Variants in ZNF586 observed in about 807,000 individuals in gnomAD.
ZNF586 encodes the protein zinc finger protein 586.
A neutral mutation model predicts 6.7 loss-of-function variants in ZNF586; 7 were observed. The ratio of observed to expected loss-of-function variants is 1.04; its 90% CI spans 0.59 to 1.95. The LOEUF (loss-of-function observed/expected upper bound fraction) is 1.95, where lower values mean the gene tolerates loss of function less well. Ranked by LOEUF, ZNF586 falls within the 30% of genes most tolerant of loss-of-function variation. The pLI is 0.00. For synonymous variants in ZNF586, 166 were observed against 168.7 expected (o/e 0.98, Z 0.12); for missense variants, 442 against 489.6 (o/e 0.90, Z 0.92).
At chr19:57,776,745 C>A in intron 2 of ZNF586, 76 bp downstream of exon 2, 1 of 1,464,846 alleles carries the variant, frequency 6.8e-7, no homozygotes, top group Non-Finnish European at 9.1e-7. Context: ...TTTCTCACAC[C>A]AGGACCATGG....
In ZNF586 at chr19:57,779,664, C is replaced by G. The variant is rs1167325581; in HGVS notation, c.1077C>G (p.Ser359Arg). Residue 359 changes from serine to arginine, a missense_variant, in exon 3 of 3, where the codon AGC becomes AGG. Transcript: ENST00000396154. ...DCGKSFAENSSLIKHLRVHTG... is the reference protein window; with the variant it reads ...DCGKSFAENSRLIKHLRVHTG... The stretch of plus-strand genomic sequence containing the variant: ...GGAAATCCTTTGCTGAAAACTCCAG[C>G]CTTATTAAACACTTGAGAGTTCACA... 6.2e-7 allele frequency: 1 copy of G among 1,609,272 alleles called. No homozygotes were observed. Among genetic ancestry groups the G allele is most frequent in the Non-Finnish European group, 8.5e-7 (1 of 1,178,394 alleles).
chr19:57,774,623 A>G (rs1428255630), intron 1 of ZNF586: 3 of 266,238 alleles, frequency 1.1e-5, no homozygotes, highest in Non-Finnish European at 1.7e-5. Context: ...GTGGAATAGA[A>G]CCATAAATAT....
intron 1 of ZNF586, among the ~76,000 whole-genome samples, chr19:57,770,523 G>T (rs1297812858): frequency 6.6e-6 from 1 of 152,226 alleles, no homozygotes; most frequent in Non-Finnish European, 1.5e-5. Flanking sequence ...GGAAATCTGT[G>T]TTAGAGTTGC....
rs200678184 is a variant in ZNF586, at chr19:57,779,457, T to C, written c.870T>C (p.Tyr290=). 921 of 1,614,158 alleles carry C rather than the reference T, an allele frequency of 5.7e-4. 1 individual carries two copies. The highest frequency in any genetic ancestry group is 7.0e-4 in the Non-Finnish European group (822 of 1,180,034). ...GAGTTCACACTAGAGAAAGGCCTTA[T>C]GAATGTAGTGAATGTGGGAAATCCT... ...HQRVHTRERP[Y]ECSECGKSFS... Residue 290 remains tyrosine (Y), a synonymous_variant, in exon 3 of 3, where the codon TAT becomes TAC. Coordinates refer to ENST00000396154, the MANE Select transcript of ZNF586 (RefSeq NM_017652.4).
At position 57,779,640 on chromosome 19, in the gene ZNF586, G is replaced by T; in HGVS notation, c.1053G>T (p.Gly351=). The T allele has an allele frequency of 6.2e-7, 1 of 1,613,506 alleles. No individual in the cohort carries two copies. The change falls in exon 3 of 3, where the codon GGG becomes GGT. Residue 351 remains glycine (G), a synonymous_variant. Coordinates refer to ENST00000396154, the MANE Select transcript of ZNF586 (RefSeq NM_017652.4). ...GERPYECSDC[G]KSFAENSSLI... ...GGCCTTATGAGTGCAGTGACTGTGG[G>T]AAATCCTTTGCTGAAAACTCCAGCC...
At chr19:57,770,417 G>T (rs986830469) in intron 1 of ZNF586, among the ~76,000 whole-genome samples, 5 of 152,152 alleles carry the variant, frequency 3.3e-5, no homozygotes, top group Non-Finnish European at 5.9e-5. Context: ...GAGCCACCGC[G>T]CCTGGCCGAG....
Position 57,769,770 on chromosome 19 carries a change from C to A in ZNF586, c.-73C>A, listed in dbSNP as rs2122547430. 5 of 1,493,072 alleles carry A rather than the reference C, an allele frequency of 3.3e-6. No individual in the cohort carries two copies. The South Asian group carries it at 4.8e-5, about 14-fold the overall frequency. The allele number at this position is 1,493,072 out of a possible 1,614,324, so 92.5% of individuals were successfully genotyped here. On this transcript the variant is annotated 5_prime_UTR_variant, in exon 1 of 3. Coordinates refer to ENST00000396154, the MANE Select transcript of ZNF586 (RefSeq NM_017652.4). ...CAGGCGGATCTGAGGTTCGGCGACG[C>A]CGCTGGTCGCGACCCGGGACAGGAC...
rs1457325523 is a variant in ZNF586 at position 57,769,831 on chromosome 19, C to A, written c.-12C>A. 2 of 1,545,906 alleles carry A rather than the reference C, an allele frequency of 1.3e-6. No individual in the cohort carries two copies. Among genetic ancestry groups the A allele is most frequent in the East Asian group, 2.5e-5 (1 of 40,600 alleles). The stretch of plus-strand genomic sequence containing the variant: ...ACACCGCCGAGCCCGCGTTCCCCCC[C>A]CGCCCAGAGTCATGGCGGCAGCAGC... On this transcript the variant is annotated 5_prime_UTR_variant, in exon 1 of 3. Coordinates refer to ENST00000396154, the MANE Select transcript of ZNF586 (RefSeq NM_017652.4).
At chr19:57,774,911 A>G (rs746069493) in intron 1 of ZNF586, 17 of 191,940 alleles carry the variant, frequency 8.9e-5, no homozygotes, top group Admixed American at 2.0e-4. Context: ...CTTTGGGATA[A>G]TGTGTCCTAG....
intron 1 of ZNF586, among the ~76,000 whole-genome samples, chr19:57,773,793 TA>T (rs1388416019): frequency 2.0e-5 from 3 of 152,194 alleles, no homozygotes; most frequent in African/African-American, 7.2e-5. Context: ...GAGATGACTT[TA>T]GTGTGGCCTG....
intron 2 of ZNF586, 79 bp downstream of exon 2, chr19:57,776,748 G>T: frequency 1.4e-6 from 2 of 1,447,042 alleles, no homozygotes; most frequent in South Asian, 1.5e-5. Context: ...CTCACACCAG[G>T]ACCATGGACA....
Position 57,779,905 on chromosome 19 carries a change from TA to T in ZNF586, c.*110del. 1.0e-6 allele frequency: 1 copy of T among 959,366 alleles called. No homozygotes were observed. 59.4% of individuals were successfully genotyped at this position (959,366 alleles called of 1,614,324 possible). ...TGACAAATGGGGAATATTCTTTAGC[TA>T]GAATGCTAGCTTCTTTACATAAAAG... On this transcript the variant is annotated 3_prime_UTR_variant, in exon 3 of 3. Coordinates refer to ENST00000396154, the MANE Select transcript of ZNF586 (RefSeq NM_017652.4).
chr19:57,770,216 G>A (rs1055673581), intron 1 of ZNF586, among the ~76,000 whole-genome samples: 1 of 148,254 alleles, frequency 6.7e-6, no homozygotes, highest in African/African-American at 2.5e-5. Flanking sequence ...GAGTGCAGTG[G>A]CGCGATCTCG....
rs771705458 is a variant in ZNF586 at position 57,779,874 on chromosome 19, T to C, written c.*78T>C. On this transcript the variant is annotated 3_prime_UTR_variant, in exon 3 of 3. Transcript: ENST00000396154. ...GAGTTCACACCAGATCAAGGTGTTA[T>C]GAGTGTGACAAATGGGGAATATTCT... is the stretch of plus-strand genomic sequence containing the variant. 1.2e-5 allele frequency: 15 copies of C among 1,213,666 alleles called. No homozygotes were observed. Among genetic ancestry groups the C allele is most frequent in the Admixed American group, 2.3e-5 (1 of 43,082 alleles). 75.2% of individuals were successfully genotyped at this position (1,213,666 alleles called of 1,614,324 possible). A position where few individuals can be genotyped will look rare whatever the true frequency, so the allele number is the denominator to read the frequency against.
chr19:57,776,300 G>T (rs1045109466), intron 1 of ZNF586, among the ~76,000 whole-genome samples: 1 of 152,144 alleles, frequency 6.6e-6, no homozygotes, highest in Non-Finnish European at 1.5e-5. Context: ...GGAGAGGATG[G>T]AACCCTTTAT....
chr19:57,771,887 G>A (rs1029202765), intron 1 of ZNF586, among the ~76,000 whole-genome samples: 1 of 152,052 alleles, frequency 6.6e-6, no homozygotes, highest in Non-Finnish European at 1.5e-5. Context: ...TGCAATAGTG[G>A]AATCTTGGCT....
In ZNF586 at chr19:57,769,827, C is replaced by T. The variant is rs1299243469; in HGVS notation, c.-16C>T. 6 of 1,545,424 alleles carry T rather than the reference C, an allele frequency of 3.9e-6. No homozygotes were observed. In the East Asian group the frequency reaches 9.8e-5, roughly 25 times the overall value. On this transcript the variant is annotated 5_prime_UTR_variant, in exon 1 of 3. Coordinates refer to ENST00000396154, the MANE Select transcript of ZNF586 (RefSeq NM_017652.4). ...AGGAACACCGCCGAGCCCGCGTTCC[C>T]CCCCCGCCCAGAGTCATGGCGGCAG...
chr19:57,780,052 A>G lies in ZNF586; in HGVS notation c.*256A>G. The G allele has an allele frequency of 2.1e-6, 1 of 487,452 alleles. No individual in the cohort carries two copies. Among genetic ancestry groups the G allele is most frequent in the South Asian group, 3.5e-5 (1 of 28,648 alleles). 30.2% of individuals were successfully genotyped at this position (487,452 alleles called of 1,614,324 possible). A position where few individuals can be genotyped will look rare whatever the true frequency, so the allele number is the denominator to read the frequency against. ...ATACCACAGATGTGGAGGTAATATT[A>G]TTTTTTCTTCAATATAACACTGGAG... is the stretch of plus-strand genomic sequence containing the variant. On this transcript the variant is annotated 3_prime_UTR_variant, in exon 3 of 3. Coordinates refer to ENST00000396154, the MANE Select transcript of ZNF586 (RefSeq NM_017652.4).
At chr19:57,775,600 CTTTTT>C (rs563657252) in intron 1 of ZNF586, among the ~76,000 whole-genome samples, 1 of 122,778 alleles carries the variant, frequency 8.1e-6, no homozygotes, top group Non-Finnish European at 1.7e-5. Context: ...CCTGGTTGCT[CTTTTT>C]TTTTTTTTTT....
Sources: gnomAD v4.1 joint callset for allele counts (sites outside exome capture counted in the v4.1 genomes callset) on GRCh38, gnomAD v4.1.1 for gene constraint, MANE v1.5 for transcripts, NCBI Gene and HGNC (gene_info 2026-07-23, HGNC 2026-07-21) for gene names.